The following SLC35F3 variants were observed in gnomAD, a reference collection of about 807,000 sequenced individuals.
SLC35F3 encodes the protein solute carrier family 35 member F3.
Under a neutral mutation model 49.9 loss-of-function variants are expected in SLC35F3, and 25 were observed. The observed-to-expected ratio is 0.50, with a 90% CI of 0.37 to 0.70. The LOEUF (loss-of-function observed/expected upper bound fraction) is 0.70. Among genes scored for constraint, SLC35F3 ranks in the 30% least tolerant of loss-of-function variants. SLC35F3 has a pLI of 0.00. For synonymous variants in SLC35F3, 275 were observed against 265.4 expected (o/e 1.04, Z -0.35); for missense variants, 525 against 639.8 (o/e 0.82, Z 1.94).
intron 2 of SLC35F3, among the ~76,000 whole-genome samples, chr1:234,038,213 G>A (rs1398008487): frequency 2.0e-5 from 3 of 149,578 alleles, no homozygotes; most frequent in Non-Finnish European, 4.4e-5. Flanking sequence ...AACATGTGGT[G>A]TTTGGTTTTT....
intron 2 of SLC35F3, among the ~76,000 whole-genome samples, chr1:234,112,870 C>T (rs898768225): frequency 2.6e-5 from 4 of 151,136 alleles, no homozygotes; most frequent in Admixed American, 2.0e-4. Flanking sequence ...CCACCGTGCC[C>T]GGCCTATAAT....
At chr1:233,909,579 G>T (rs1024459889) in intron 2 of SLC35F3, among the ~76,000 whole-genome samples, 1 of 152,212 alleles carries the variant, frequency 6.6e-6, no homozygotes, top group Non-Finnish European at 1.5e-5. Flanking sequence ...CATCACAAGT[G>T]CTTCCTGAAC....
Position 234,323,438 on chromosome 1 carries a change from A to C in SLC35F3, c.*195A>C. On this transcript the variant is annotated 3_prime_UTR_variant, in exon 8 of 8. Coordinates refer to ENST00000366618, the MANE Select transcript of SLC35F3 (RefSeq NM_173508.4). This position sits in a 1 kb window ranked among gnomAD's most constrained non-coding sequence, Gnocchi z 4.5. ...ACTTAAGGGTACCAATTCAATACAAAAGAGAAAAGAAGAACCTCTCAGTGC... is the reference window on the plus strand; with the variant it reads ...ACTTAAGGGTACCAATTCAATACAACAGAGAAAAGAAGAACCTCTCAGTGC... The C allele has an allele frequency of 1.7e-6, 1 of 582,374 alleles. No homozygotes were observed. Among genetic ancestry groups the C allele is most frequent in the Non-Finnish European group, 3.0e-6 (1 of 328,152 alleles). The allele number at this position is 582,374 out of a possible 1,614,324, so 36.1% of individuals were successfully genotyped here. A position where few individuals can be genotyped will look rare whatever the true frequency, so the allele number is the denominator to read the frequency against.
intron 2 of SLC35F3, chr1:234,212,743 T>G (rs963976162): frequency 1.3e-5 from 2 of 152,238 alleles, no homozygotes; most frequent in African/African-American, 4.8e-5. Context: ...ATTTTATTGA[T>G]GAACTTGATG....
chr1:233,962,097 T>C (rs545501749), intron 2 of SLC35F3, among the ~76,000 whole-genome samples: 1 of 152,346 alleles, frequency 6.6e-6, no homozygotes, highest in East Asian at 1.9e-4. Flanking sequence ...CAGAAGTGTA[T>C]AGATCAAAAA....
In SLC35F3 at chr1:234,231,372, G is replaced by T. The variant is rs752343934; in HGVS notation, c.284-45G>T. The T allele has an allele frequency of 1.1e-4, 152 of 1,421,090 alleles. No individual in the cohort carries two copies. Among genetic ancestry groups the T allele is most frequent in the Non-Finnish European group, 1.4e-4 (147 of 1,073,330 alleles). The allele number at this position is 1,421,090 out of a possible 1,614,324, so 88.0% of individuals were successfully genotyped here. On this transcript the variant is annotated intron_variant, in intron 2 of 7. Coordinates refer to ENST00000366618, the MANE Select transcript of SLC35F3 (RefSeq NM_173508.4). This position sits in a 1 kb window ranked among gnomAD's most constrained non-coding sequence, Gnocchi z 5.4. ...GGGCAGCGCCCTGCGAAGTGCAGGG[G>T]TGAAGGTCTGCAGGCCCCGCTAACC...
chr1:234,309,665 C>T (rs1657300110), intron 4 of SLC35F3, among the ~76,000 whole-genome samples: 6 of 152,244 alleles, frequency 3.9e-5, no homozygotes, highest in South Asian at 2.1e-4. Flanking sequence ...GCGGCTTTCC[C>T]GGCTGTAGGG....
intron 2 of SLC35F3, among the ~76,000 whole-genome samples, chr1:233,967,513 T>A (rs1046110059): frequency 2.0e-5 from 3 of 152,220 alleles, no homozygotes; most frequent in Non-Finnish European, 4.4e-5. Context: ...TGACTTTGAA[T>A]GTCAGTATCT....
intron 2 of SLC35F3, among the ~76,000 whole-genome samples, chr1:233,976,673 C>T (rs1663088188): frequency 6.6e-6 from 1 of 151,982 alleles, no homozygotes; most frequent in South Asian, 2.1e-4. Context: ...TGCAGTGGCA[C>T]CATCTCAGCT....
chr1:233,997,735 A>C (rs576136062), intron 2 of SLC35F3, among the ~76,000 whole-genome samples: 1 of 151,952 alleles, frequency 6.6e-6, no homozygotes, highest in Non-Finnish European at 1.5e-5. Flanking sequence ...ACAACTGCTA[A>C]CATGTTCATA....
At chr1:234,133,031 G>A (rs756808097) in intron 2 of SLC35F3, among the ~76,000 whole-genome samples, 6 of 152,158 alleles carry the variant, frequency 3.9e-5, no homozygotes, top group Non-Finnish European at 5.9e-5. Context: ...GGCACAGAGC[G>A]GTTGAGTAAC....
intron 2 of SLC35F3, among the ~76,000 whole-genome samples, chr1:234,004,266 AGAAG>A (rs1181219447): frequency 6.6e-5 from 10 of 152,198 alleles, no homozygotes; most frequent in Admixed American, 1.3e-4. Context: ...AAACACATTC[AGAAG>A]GAAGGAATGA....
intron 2 of SLC35F3, among the ~76,000 whole-genome samples, chr1:234,002,543 A>G (rs181711543): frequency 2.8e-4 from 43 of 152,186 alleles, no homozygotes; most frequent in Non-Finnish European, 5.1e-4. Flanking sequence ...GGGGAGAAAG[A>G]CCTCAAAGGC....
intron 2 of SLC35F3, among the ~76,000 whole-genome samples, chr1:234,074,565 G>T (rs963229454): frequency 6.6e-6 from 1 of 152,186 alleles, no homozygotes; most frequent in African/African-American, 2.4e-5. Flanking sequence ...ACAGACACTG[G>T]AGCCCCAGGG....
At chr1:234,289,297 A>C (rs1668470735) in intron 3 of SLC35F3, among the ~76,000 whole-genome samples, 2 of 152,246 alleles carry the variant, frequency 1.3e-5, no homozygotes, top group African/African-American at 4.8e-5. Context: ...ATTCCACACA[A>C]GTTTAAAGAA....
chr1:234,316,847 G>A, intron 5 of SLC35F3, 120 bp downstream of exon 5: 1 of 1,294,970 alleles, frequency 7.7e-7, no homozygotes, highest in Non-Finnish European at 1.1e-6. Context: ...CTTCAGGACA[G>A]GCAGCTCTAG....
At chr1:234,242,641 A>G (rs1261886580) in intron 3 of SLC35F3, among the ~76,000 whole-genome samples, 2 of 152,178 alleles carry the variant, frequency 1.3e-5, no homozygotes, top group East Asian at 3.8e-4. Context: ...TATACTAATT[A>G]CATACACCTC....
intron 2 of SLC35F3, among the ~76,000 whole-genome samples, chr1:234,124,471 G>T (rs6669022): frequency 5.3e-5 from 8 of 151,886 alleles, no homozygotes; most frequent in African/African-American, 1.9e-4. Flanking sequence ...TTCCCCTAGG[G>T]GCTGAAATAA....
chr1:234,256,576 C>G (rs377452473), intron 3 of SLC35F3, among the ~76,000 whole-genome samples: 16 of 152,192 alleles, frequency 1.1e-4, no homozygotes, highest in Admixed American at 2.0e-4. Flanking sequence ...AACCAGCATT[C>G]CTTCACTGAC....
Sources: gnomAD v4.1 joint callset for allele counts (sites outside exome capture counted in the v4.1 genomes callset) on GRCh38, gnomAD v4.1.1 for gene constraint, Gnocchi (gnomAD v3.1) non-coding constraint, MANE v1.5 for transcripts, NCBI Gene and HGNC (gene_info 2026-07-23, HGNC 2026-07-21) for gene names.